Variants in MSH3 observed in about 807,000 individuals in gnomAD.
MSH3 encodes mutS homolog 3, also known as DNA mismatch repair protein Msh3.
Under a neutral mutation model 123.3 loss-of-function variants are expected in MSH3, and 106 were observed. The ratio of observed to expected loss-of-function variants is 0.86; its 90% CI spans 0.73 to 1.01. MSH3 has a LOEUF of 1.01. Ranked by LOEUF, MSH3 falls within the 50% of genes least tolerant of loss-of-function variation. The probability of loss-of-function intolerance (pLI) is 0.00; values close to 1 mark genes in which losing one functional copy is unlikely to be tolerated. For synonymous variants in MSH3, 515 were observed against 481.4 expected, an observed-to-expected ratio of 1.07 and a Z score of -0.91; for missense variants, 1,459 against 1,347.6, an observed-to-expected ratio of 1.08 and a Z score of -1.29.
intron 20 of MSH3, among the ~76,000 whole-genome samples, chr5:80,815,477 C>T (rs551396639): frequency 9.9e-5 from 15 of 152,080 alleles, no homozygotes; most frequent in Admixed American, 5.2e-4. Context: ...TTTGTAGATA[C>T]AAGTAAAATA....
At chr5:80,770,420 A>G (rs1368033392) in intron 15 of MSH3, among the ~76,000 whole-genome samples, 2 of 152,198 alleles carry the variant, frequency 1.3e-5, no homozygotes, top group Admixed American at 6.5e-5. Context: ...TTTTAATCAT[A>G]AAGTGCTATG....
At chr5:80,823,270 ACCT>A (rs1745233323) in intron 20 of MSH3, among the ~76,000 whole-genome samples, 1 of 152,014 alleles carries the variant, frequency 6.6e-6, no homozygotes, top group African/African-American at 2.4e-5. Context: ...AAAAAGTAAA[ACCT>A]CCTCACCCTC....
intron 20 of MSH3, among the ~76,000 whole-genome samples, chr5:80,829,297 G>C (rs6151898): frequency 0.016 from 2,506 of 152,264 alleles, 69 homozygotes; most frequent in African/African-American, 0.058. Flanking sequence ...AGAGGTGACA[G>C]CTTCCTATTT....
Position 80,704,253 on chromosome 5 carries a change from G to A in MSH3, c.1341-21200G>A, listed in dbSNP as rs115741734. On this transcript the variant is annotated intron_variant, in intron 8 of 23. Coordinates refer to ENST00000265081, the MANE Select transcript of MSH3 (RefSeq NM_002439.5). Reference sequence around the variant, plus strand: ...TCCTACAAGGTCCTCCTTACTGTCCGTCCCTGCTCAGTCACCAAAGAATGA... The same window carrying A: ...TCCTACAAGGTCCTCCTTACTGTCCATCCCTGCTCAGTCACCAAAGAATGA... Among the ~76,000 whole-genome samples, 1,153 of 152,288 alleles carry A rather than the reference G, an allele frequency of 7.6e-3. 16 individuals are homozygous for A. The highest frequency in any genetic ancestry group is 0.025 in the African/African-American group (1,047 of 41,554).
intron 20 of MSH3, among the ~76,000 whole-genome samples, chr5:80,838,119 T>A (rs1745551295): frequency 6.6e-6 from 1 of 152,216 alleles, no homozygotes; most frequent in Non-Finnish European, 1.5e-5. Flanking sequence ...TCTCATCACC[T>A]TTGCCATAGT....
At chr5:80,758,778 A>G (rs1743974765) in intron 12 of MSH3, among the ~76,000 whole-genome samples, 1 of 152,174 alleles carries the variant, frequency 6.6e-6, no homozygotes, top group Non-Finnish European at 1.5e-5. Flanking sequence ...TTAGATTTTT[A>G]TTAAACTTTT....
intron 16 of MSH3, among the ~76,000 whole-genome samples, chr5:80,777,019 C>T (rs1380025891): frequency 6.6e-6 from 1 of 150,676 alleles, no homozygotes; most frequent in East Asian, 2.0e-4. Context: ...GCAACCTCCG[C>T]CTCCCGGGTT....
In MSH3 at chr5:80,654,879, C is replaced by T; in HGVS notation, c.152C>T (p.Ala51Val). The T allele has an allele frequency of 6.6e-7, 1 of 1,524,552 alleles. No homozygotes were observed. Among genetic ancestry groups the T allele is most frequent in the Non-Finnish European group, 8.9e-7 (1 of 1,126,454 alleles). 94.4% of individuals were successfully genotyped at this position (1,524,552 alleles called of 1,614,324 possible). A position where few individuals can be genotyped will look rare whatever the true frequency, so the allele number is the denominator to read the frequency against. ...TGAADQVDPG[A>V]AAAAAAAAAA... ...GCAGCCGACCAGGTGGACCCTGGCG[C>T]TGCAGCGGCTGCAGCGGCCGCAGCG... The change falls in exon 1 of 24, where the codon GCT (alanine) becomes GTT (valine). Residue 51 changes from alanine to valine, a missense_variant. By Grantham distance (64) the Ala-to-Val change is moderately conservative. Transcript: ENST00000265081.
chr5:80,654,847 C>T lies in MSH3; in HGVS notation c.120C>T (p.Ser40=), dbSNP rs1336598728. 1 of 1,602,754 alleles carries T rather than the reference C, an allele frequency of 6.2e-7. No individual in the cohort carries two copies. The highest frequency in any genetic ancestry group is 2.3e-5 in the East Asian group (1 of 43,468). The change falls in exon 1 of 24, where the codon TCC becomes TCT. Residue 40 remains serine (S), a synonymous_variant. Transcript: ENST00000265081. The part of the protein sequence containing the change: ...STGSLKSTSS[S]TGAADQVDPG... ...GAAGCCTGAAATCCACCTCCTCCTC[C>T]ACAGGTGCAGCCGACCAGGTGGACC...
intron 8 of MSH3, among the ~76,000 whole-genome samples, chr5:80,688,704 T>C (rs1029231739): frequency 6.6e-6 from 1 of 152,166 alleles, no homozygotes; most frequent in African/African-American, 2.4e-5. Flanking sequence ...CCAACTTCTT[T>C]CTAATGTCAT....
In MSH3 at chr5:80,695,087, G is replaced by GT. The variant is rs57947652; in HGVS notation, c.1340+16009dup. 6.3e-3 allele frequency among the ~76,000 whole-genome samples: 726 copies of GT among 115,280 alleles called. 6 individuals carry two copies. Among genetic ancestry groups the GT allele is most frequent in the East Asian group, 0.013 (53 of 4,132 alleles). The allele number at this position is 115,280 out of a possible 152,430, so 75.6% of individuals were successfully genotyped here. On this transcript the variant is annotated intron_variant, in intron 8 of 23. Coordinates refer to ENST00000265081, the MANE Select transcript of MSH3 (RefSeq NM_002439.5). ...TGTTGGTGGTGGTGTTTTTTTTGTT[G>GT]TTTTTTTTTTTTTTTGCCTTTCTTT...
At chr5:80,848,446 A>C (rs1186334070) in intron 20 of MSH3, among the ~76,000 whole-genome samples, 1 of 152,076 alleles carries the variant, frequency 6.6e-6, no homozygotes, top group African/African-American at 2.4e-5. Flanking sequence ...AATTCTTTCC[A>C]GTTCTATTAG....
rs1408513447 is a variant in MSH3 at position 80,654,974 on chromosome 5, G to A, written c.237+10G>A. Reference sequence around the variant, plus strand: ...GCTGCCGCCGCACATAGTAGGTTCTGTCTGGGACTGGGCAGGGCCATCGGG... The same window carrying A: ...GCTGCCGCCGCACATAGTAGGTTCTATCTGGGACTGGGCAGGGCCATCGGG... On this transcript the variant is annotated intron_variant, in intron 1 of 23. Transcript: ENST00000265081. 1 of 1,443,246 alleles carries A rather than the reference G, an allele frequency of 6.9e-7. No individual in the cohort carries two copies. The allele number at this position is 1,443,246 out of a possible 1,614,324, so 89.4% of individuals were successfully genotyped here. A position where few individuals can be genotyped will look rare whatever the true frequency, so the allele number is the denominator to read the frequency against.
chr5:80,665,066 A>G, intron 2 of MSH3, 77 bp from the exon 3 acceptor site: 1 of 1,111,112 alleles, frequency 9.0e-7, no homozygotes, highest in East Asian at 2.5e-5. Context: ...TCTTTAAAAA[A>G]TTCTATGCTG....
chr5:80,723,807 G>C (rs1751138270), intron 8 of MSH3, among the ~76,000 whole-genome samples: 2 of 151,950 alleles, frequency 1.3e-5, no homozygotes, highest in South Asian at 4.1e-4. Context: ...CTCTTGCTCA[G>C]GCTGGAGTGC....
chr5:80,678,648 TG>T (rs1749894309), intron 7 of MSH3, among the ~76,000 whole-genome samples: 1 of 152,182 alleles, frequency 6.6e-6, no homozygotes. Context: ...TGGCAGTGTT[TG>T]GTAACTTGCC....
intron 8 of MSH3, among the ~76,000 whole-genome samples, chr5:80,708,530 T>G (rs1750770256): frequency 6.6e-6 from 1 of 152,092 alleles, no homozygotes; most frequent in African/African-American, 2.4e-5. Context: ...CGATCATAGC[T>G]CTCTGCATCC....
intron 19 of MSH3, among the ~76,000 whole-genome samples, chr5:80,813,253 A>G (rs764935435): frequency 2.0e-5 from 3 of 152,194 alleles, no homozygotes; most frequent in Non-Finnish European, 4.4e-5. Flanking sequence ...TTTAAGATGG[A>G]CAAATGGAAA....
intron 10 of MSH3, among the ~76,000 whole-genome samples, chr5:80,740,713 C>CTTT (rs34246815): frequency 7.6e-6 from 1 of 131,426 alleles, no homozygotes; most frequent in Non-Finnish European, 1.6e-5. Flanking sequence ...ATGTTAGAAT[C>CTTT]TTTTTTTTTT....
Sources: allele counts gnomAD v4.1 joint callset (sites outside exome capture counted in the v4.1 genomes callset), GRCh38; gene constraint gnomAD v4.1.1; transcripts MANE v1.5; gene names NCBI Gene and HGNC (gene_info 2026-07-23, HGNC 2026-07-21).